Variants in RASAL2 observed in about 807,000 individuals in gnomAD.
RASAL2 encodes RAS protein activator like 2, also known as ras GTPase-activating protein nGAP.
Under a neutral mutation model 128.9 loss-of-function variants are expected in RASAL2, and 58 were observed. That is an observed-to-expected ratio of 0.45 (90% confidence interval 0.36 to 0.56). RASAL2 has a LOEUF of 0.56. Among genes scored for constraint, RASAL2 ranks in the 20% least tolerant of loss-of-function variants. The pLI is 0.00. For synonymous variants in RASAL2, 561 were observed against 580.8 expected, an observed-to-expected ratio of 0.97 and a Z score of 0.49; for missense variants, 1,360 against 1,601.6, an observed-to-expected ratio of 0.85 and a Z score of 2.57.
intron 1 of RASAL2, among the ~76,000 whole-genome samples, chr1:178,184,877 T>C (rs1431610357): frequency 6.6e-6 from 1 of 152,058 alleles, no homozygotes; most frequent in East Asian, 1.9e-4. Flanking sequence ...ATTGAGATTG[T>C]GTTGAATATA....
At chr1:178,169,668 T>C (rs1661639071) in intron 1 of RASAL2, among the ~76,000 whole-genome samples, 1 of 152,132 alleles carries the variant, frequency 6.6e-6, no homozygotes, top group Admixed American at 6.6e-5. Flanking sequence ...CCAGCCGTTC[T>C]ATTTATTGTT....
chr1:178,094,760 C>A, intron 1 of RASAL2, 66 bp downstream of exon 1: 2 of 1,577,946 alleles, frequency 1.3e-6, no homozygotes, highest in Non-Finnish European at 8.7e-7. Context: ...AATTCATTCC[C>A]TAAGTCACAG....
At chr1:178,207,269 T>C (rs1227668218) in intron 1 of RASAL2, among the ~76,000 whole-genome samples, 1 of 151,924 alleles carries the variant, frequency 6.6e-6, no homozygotes, top group Non-Finnish European at 1.5e-5. Context: ...CACACACATA[T>C]GGGAAAAAAT....
At chr1:178,227,617 A>G (rs1663840958) in intron 1 of RASAL2, among the ~76,000 whole-genome samples, 1 of 152,100 alleles carries the variant, frequency 6.6e-6, no homozygotes, top group East Asian at 1.9e-4. Flanking sequence ...TCTAGTCCTA[A>G]TATAGTGCCT....
At chr1:178,253,540 GGC>G (rs1665157807) in intron 1 of RASAL2, among the ~76,000 whole-genome samples, 2 of 152,166 alleles carry the variant, frequency 1.3e-5, no homozygotes, top group South Asian at 4.1e-4. Flanking sequence ...TGAACAATAA[GGC>G]TGTTTATTTC....
chr1:178,169,111 C>A (rs143810222), intron 1 of RASAL2, among the ~76,000 whole-genome samples: 36 of 152,004 alleles, frequency 2.4e-4, no homozygotes, highest in Admixed American at 5.9e-4. Flanking sequence ...GCATAGTTGC[C>A]TACTTTTCCT....
At chr1:178,152,165 G>A (rs2101879996) in intron 1 of RASAL2, among the ~76,000 whole-genome samples, 1 of 152,196 alleles carries the variant, frequency 6.6e-6, no homozygotes, top group East Asian at 1.9e-4. Flanking sequence ...ACCAACCTCT[G>A]GGGGAAGTAG....
In RASAL2 at chr1:178,447,647, G is replaced by C. The variant is rs1414371305; in HGVS notation, c.1627+1985G>C. On this transcript the variant is annotated intron_variant, in intron 9 of 17. Transcript: ENST00000367649. The stretch of plus-strand genomic sequence containing the variant: ...GATTATACCATTGCACTCCAGCCTG[G>C]GAGACAAGAGCAAAACTCCTTCTCT... 3.7e-5 allele frequency among the ~76,000 whole-genome samples: 5 copies of C among 133,948 alleles called. No homozygotes were observed. In the Admixed American group the frequency reaches 3.9e-4, roughly 11 times the overall value. 87.9% of individuals were successfully genotyped at this position (133,948 alleles called of 152,430 possible).
rs1644999082 is a variant in RASAL2 at position 178,094,669 on chromosome 1, G to A, written c.177G>A (p.Gln59=). 6.2e-7 allele frequency: 1 copy of A among 1,613,982 alleles called. No individual in the cohort carries two copies. Among genetic ancestry groups the A allele is most frequent in the African/African-American group, 1.3e-5 (1 of 74,956 alleles). ...GGATCCTTCTGGAGTCCGTGTGCCA[G>A]CAACAGAGCTGGGTCCGGGTGTACG... ...LDRILLESVC[Q]QQSWVRVYDV... The change falls in exon 1 of 18, where the codon CAG becomes CAA. Residue 59 remains glutamine (Q), a synonymous_variant. Transcript: ENST00000367649.
chr1:178,263,963 A>T (rs562566947), intron 1 of RASAL2, among the ~76,000 whole-genome samples: 2 of 152,300 alleles, frequency 1.3e-5, no homozygotes, highest in East Asian at 3.9e-4. Context: ...TTGTGCTCTG[A>T]GTTAGTATTA....
chr1:178,128,709 T>C (rs1659990270), intron 1 of RASAL2, among the ~76,000 whole-genome samples: 1 of 152,160 alleles, frequency 6.6e-6, no homozygotes, highest in African/African-American at 2.4e-5. Flanking sequence ...CTCCCAGCCC[T>C]AGGCAACCAC....
intron 1 of RASAL2, among the ~76,000 whole-genome samples, chr1:178,164,447 G>A (rs1661441741): frequency 6.6e-6 from 1 of 151,624 alleles, no homozygotes; most frequent in Non-Finnish European, 1.5e-5. Context: ...TAATTTTTAA[G>A]CATCTCAGCA....
intron 1 of RASAL2, among the ~76,000 whole-genome samples, chr1:178,266,118 A>G (rs565623890): frequency 3.3e-5 from 5 of 152,344 alleles, no homozygotes; most frequent in Non-Finnish European, 5.9e-5. Flanking sequence ...TTGGGTATAT[A>G]TCTAGGAGTA....
intron 1 of RASAL2, among the ~76,000 whole-genome samples, chr1:178,253,557 G>A (rs950785801): frequency 6.6e-6 from 1 of 152,152 alleles, no homozygotes; most frequent in African/African-American, 2.4e-5. Context: ...TATTTCACCT[G>A]GGTGCAGGCG....
intron 1 of RASAL2, among the ~76,000 whole-genome samples, chr1:178,108,197 A>G (rs887979563): frequency 1.3e-5 from 2 of 152,172 alleles, no homozygotes; most frequent in Non-Finnish European, 2.9e-5. Context: ...TTACATAATG[A>G]TTAATGATAT....
chr1:178,115,091 T>G (rs1032204091), intron 1 of RASAL2, among the ~76,000 whole-genome samples: 1 of 151,642 alleles, frequency 6.6e-6, no homozygotes, highest in African/African-American at 2.4e-5. Context: ...TTTGGTACAG[T>G]TTATCAGATA....
At chr1:178,237,846 C>T (rs548107951) in intron 1 of RASAL2, among the ~76,000 whole-genome samples, 55 of 152,282 alleles carry the variant, frequency 3.6e-4, no homozygotes, top group Admixed American at 7.8e-4. Context: ...TCTTCACATA[C>T]TGAAACTCTG....
intron 1 of RASAL2, among the ~76,000 whole-genome samples, chr1:178,223,277 C>A (rs1449120632): frequency 2.0e-5 from 3 of 152,104 alleles, no homozygotes; most frequent in African/African-American, 7.2e-5. Flanking sequence ...AATTACAACG[C>A]CACAGCTGTG....
At chr1:178,284,701 C>T (rs1666936553) in intron 2 of RASAL2, among the ~76,000 whole-genome samples, 1 of 151,982 alleles carries the variant, frequency 6.6e-6, no homozygotes, top group African/African-American at 2.4e-5. Context: ...TAAAACTACT[C>T]TGTAAAATCA....
Sources: gnomAD v4.1 joint callset for allele counts (sites outside exome capture counted in the v4.1 genomes callset) on GRCh38, gnomAD v4.1.1 for gene constraint, MANE v1.5 for transcripts, NCBI Gene and HGNC (gene_info 2026-07-23, HGNC 2026-07-21) for gene names.